Variants in CACNA1E observed in about 807,000 individuals in gnomAD.
CACNA1E encodes the protein calcium voltage-gated channel subunit alpha1 E, also known as voltage-dependent R-type calcium channel subunit alpha-1E.
A neutral mutation model predicts 259.2 loss-of-function variants in CACNA1E; 40 were observed. The observed-to-expected ratio is 0.15, with a 90% CI of 0.12 to 0.20. CACNA1E has a LOEUF of 0.20. Among genes scored for constraint, CACNA1E ranks in the 10% least tolerant of loss-of-function variants. CACNA1E has a pLI of 1.00. For synonymous variants in CACNA1E, 1,104 were observed against 1,138.5 expected, an observed-to-expected ratio of 0.97 and a Z score of 0.61; for missense variants, 1,874 against 3,040.1, an observed-to-expected ratio of 0.62 and a Z score of 9.02.
intron 38 of CACNA1E, chr1:181,779,371 C>A: frequency 2.9e-6 from 1 of 347,766 alleles, no homozygotes; most frequent in Middle Eastern, 3.8e-4. Flanking sequence ...CCATCCTCTT[C>A]ATGGCTAAGC....
At chr1:181,510,636 TCTC>T (rs1041347355) in intron 2 of CACNA1E, 54 bp downstream of exon 2, 8 of 1,139,234 alleles carry the variant, frequency 7.0e-6, no homozygotes, top group African/African-American at 3.0e-5. Flanking sequence ...CTTGGTTTCT[TCTC>T]CTCTGCTTTA....
intron 6 of CACNA1E, among the ~76,000 whole-genome samples, chr1:181,605,802 A>G: frequency 6.6e-6 from 1 of 152,230 alleles, no homozygotes; most frequent in East Asian, 1.9e-4. Context: ...GGAGCTTCTC[A>G]GCATATAGAG....
rs1658126194 is a variant in CACNA1E at position 181,414,643 on chromosome 1, AACATTCCAAGCACCTT to A, written c.434+1068_434+1083del. ...GCATACCTGTCTTTAAGTGCCAGGC[AACATTCCAAGCACCTT>A]ACATATATCCACTCATGTTAATCTT... On this transcript the variant is annotated intron_variant, in intron 2 of 11. Transcript: ENST00000524607. 5.3e-5 allele frequency among the ~76,000 whole-genome samples: 8 copies of A among 152,214 alleles called. 2 individuals carry two copies. In the South Asian group the frequency reaches 1.7e-3, roughly 32 times the overall value.
At chr1:181,352,203 G>A (rs773955216) in intron 1 of CACNA1E, among the ~76,000 whole-genome samples, 1 of 152,184 alleles carries the variant, frequency 6.6e-6, no homozygotes, top group Non-Finnish European at 1.5e-5. Context: ...GGGATGAGAA[G>A]TTTGGGGTGG....
At position 181,511,587 on chromosome 1, in the gene CACNA1E, C is replaced by A. The variant is rs573216287; in HGVS notation, c.512+77C>A. 7.8e-6 allele frequency: 12 copies of A among 1,531,238 alleles called. No homozygotes were observed. The East Asian group carries it at 9.0e-5, about 12-fold the overall frequency. 94.9% of individuals were successfully genotyped at this position (1,531,238 alleles called of 1,614,324 possible). ...TCATGAGGTGGCTGGGGGCAGGGAA[C>A]CTGGGGTGGAAAGACAGCAATCTGT... On this transcript the variant is annotated intron_variant, in intron 3 of 47. Transcript: ENST00000367573.
chr1:181,507,604 T>C (rs1256064352), intron 1 of CACNA1E, among the ~76,000 whole-genome samples: 1 of 152,142 alleles, frequency 6.6e-6, no homozygotes, highest in Non-Finnish European at 1.5e-5. Context: ...TGGGGAGGCC[T>C]CGGAGGCACA....
chr1:181,592,828 T>A (rs189742312), intron 6 of CACNA1E, among the ~76,000 whole-genome samples: 52 of 152,276 alleles, frequency 3.4e-4, no homozygotes, highest in African/African-American at 1.2e-3. Flanking sequence ...CTTTTGTTTC[T>A]TGAGTCATAT....
intron 3 of CACNA1E, among the ~76,000 whole-genome samples, chr1:181,553,461 G>A (rs1234005788): frequency 6.6e-6 from 1 of 152,138 alleles, no homozygotes; most frequent in Non-Finnish European, 1.5e-5. Flanking sequence ...GAGACAACTT[G>A]GCTTCCTCTC....
rs1659567552 is a variant in CACNA1E, at chr1:181,429,595, C to A, written c.434+16015C>A. 1.3e-5 allele frequency among the ~76,000 whole-genome samples: 2 copies of A among 152,194 alleles called. 1 individual carries two copies. The highest frequency in any genetic ancestry group is 4.1e-4 in the South Asian group (2 of 4,828). ...TCAGGAGCCTGGGCACATCTCTTAA[C>A]CTTTCTGGGGCTGAGGACACCAGCA... On this transcript the variant is annotated intron_variant, in intron 2 of 11. Transcript: ENST00000524607.
chr1:181,702,551 C>T (rs1404464633), intron 7 of CACNA1E, among the ~76,000 whole-genome samples: 1 of 152,172 alleles, frequency 6.6e-6, no homozygotes, highest in Non-Finnish European at 1.5e-5. Flanking sequence ...TATCTATGGC[C>T]CTACATGATG....
At chr1:181,390,135 G>T (rs2102032692) in intron 1 of CACNA1E, among the ~76,000 whole-genome samples, 1 of 152,194 alleles carries the variant, frequency 6.6e-6, no homozygotes, top group East Asian at 1.9e-4. Context: ...GCCTAGGCAG[G>T]GCTATGTGTC....
At chr1:181,627,187 A>T (rs1055870511) in intron 6 of CACNA1E, among the ~76,000 whole-genome samples, 4 of 152,264 alleles carry the variant, frequency 2.6e-5, no homozygotes, top group African/African-American at 9.6e-5. Context: ...GTGAACATTT[A>T]TCCATTTCAT....
chr1:181,668,441 C>T (rs996853629), intron 7 of CACNA1E, among the ~76,000 whole-genome samples: 1 of 152,098 alleles, frequency 6.6e-6, no homozygotes, highest in Non-Finnish European at 1.5e-5. Context: ...AGTAAGGCTG[C>T]TATGAAGAAC....
Position 181,485,373 on chromosome 1 carries a change from A to T in CACNA1E, c.266+1363A>T, listed in dbSNP as rs1456354949. Among the ~76,000 whole-genome samples the T allele has an allele frequency of 6.6e-6, 1 of 152,204 alleles. No individual in the cohort carries two copies. Among genetic ancestry groups the T allele is most frequent in the South Asian group, 2.1e-4 (1 of 4,820 alleles). Reference sequence around the variant, plus strand: ...CCCTTCTTCTCTAGTTCCCTGCCTCAGCAGCTCGGTGATTGGCTGGCGCGT... The same window carrying T: ...CCCTTCTTCTCTAGTTCCCTGCCTCTGCAGCTCGGTGATTGGCTGGCGCGT... On this transcript the variant is annotated intron_variant, in intron 1 of 47. Transcript: ENST00000367573. This position sits in a 1 kb window ranked among gnomAD's most constrained non-coding sequence, Gnocchi z 4.2.
In CACNA1E at chr1:181,511,482, G is replaced by A. The variant is rs757554194; in HGVS notation, c.484G>A (p.Val162Ile). ...CTCTTACCTCCGCAATGGCTGGAAT[G>A]TCATGGACTTCATCGTGGTCCTCAG... ...KGSYLRNGWN[V>I]MDFIVVLSGI... Residue 162 changes from valine (V) to isoleucine (I), a missense_variant, in exon 3 of 48, where the codon GTC becomes ATC. This residue lies in a region of CACNA1E where 55 missense variants were observed against 156.5 expected (regional missense o/e 0.35). Transcript: ENST00000367573. 10 of 1,613,818 alleles carry A rather than the reference G, an allele frequency of 6.2e-6. No individual in the cohort carries two copies. Among genetic ancestry groups the A allele is most frequent in the Admixed American group, 1.7e-5 (1 of 60,006 alleles).
intron 9 of CACNA1E, 123 bp from the exon 10 acceptor site, chr1:181,715,917 A>T (rs1170699905): frequency 3.0e-6 from 2 of 664,416 alleles, no homozygotes; most frequent in Non-Finnish European, 5.5e-6. Context: ...TATTAAAGGC[A>T]GATAGATGCC....
chr1:181,419,392 C>G (rs1004987661), intron 2 of CACNA1E, among the ~76,000 whole-genome samples: 3 of 152,180 alleles, frequency 2.0e-5, no homozygotes, highest in Admixed American at 2.0e-4. Flanking sequence ...AATGCTTTTC[C>G]CATTTATCAG....
chr1:181,636,964 C>T (rs1027353085), intron 6 of CACNA1E, among the ~76,000 whole-genome samples: 8 of 152,230 alleles, frequency 5.3e-5, no homozygotes, highest in African/African-American at 1.7e-4. Context: ...AGAGGCTGCC[C>T]TCTCCCCTCT....
chr1:181,796,731 A>T lies in CACNA1E; in HGVS notation c.6272A>T (p.His2091Leu). 1.2e-6 allele frequency: 2 copies of T among 1,613,326 alleles called. No homozygotes were observed. Among genetic ancestry groups the T allele is most frequent in the Non-Finnish European group, 1.7e-6 (2 of 1,179,446 alleles). The part of the protein sequence containing the change: ...RERGRSKERK[H>L]LLSPDVSRCN... ...CGGGGACGATCAAAAGAGCGAAAGCATCTTCTCTCTCCTGATGTCTCCCGC... is the reference window on the plus strand; with the variant it reads ...CGGGGACGATCAAAAGAGCGAAAGCTTCTTCTCTCTCCTGATGTCTCCCGC... The change falls in exon 47 of 48, where the codon CAT becomes CTT. Residue 2091 changes from histidine (H) to leucine (L), a missense_variant. Transcript: ENST00000367573.
Sources: gnomAD v4.1 joint callset for allele counts (sites outside exome capture counted in the v4.1 genomes callset) on GRCh38, gnomAD v4.1.1 for gene constraint, gnomAD v4.1.1 regional missense constraint, Gnocchi (gnomAD v3.1) non-coding constraint, MANE v1.5 for transcripts, NCBI Gene and HGNC (gene_info 2026-07-23, HGNC 2026-07-21) for gene names.